The following SNRPN variants were observed in gnomAD, a reference collection of about 807,000 sequenced individuals.
SNRPN encodes small nuclear ribonucleoprotein-associated protein N.
SNRPN carries 7 observed loss-of-function variants against 25.2 expected under a neutral mutation model. The ratio of observed to expected loss-of-function variants is 0.28; its 90% confidence interval spans 0.16 to 0.52. SNRPN has a LOEUF of 0.52. SNRPN is among the 20% of genes least tolerant of loss of function. The pLI, the probability that SNRPN is intolerant of heterozygous loss-of-function variation, is 0.96. For synonymous variants in SNRPN, 124 were observed against 110.6 expected (o/e 1.12, Z -0.76); for missense variants, 196 against 322.5 (o/e 0.61, Z 3.00).
At position 24,944,705 on chromosome 15, in the gene SNRPN, T is replaced by A. The variant is rs557044482; in HGVS notation, c.-390-17409T>A. ...GCTACTCTTGCTACCGAAATCTGTGTGTGTTAGGGTTCTCCAGAAAAACAA... is the reference window on the plus strand; with the variant it reads ...GCTACTCTTGCTACCGAAATCTGTGAGTGTTAGGGTTCTCCAGAAAAACAA... On this transcript the variant is annotated intron_variant, in intron 3 of 11. Transcript: ENST00000400097. Among the ~76,000 whole-genome samples the A allele has an allele frequency of 1.3e-3, 197 of 152,286 alleles. 5 individuals are homozygous for A. The South Asian group carries it at 0.038, about 29-fold the overall frequency.
rs35835568 is a variant in SNRPN at position 24,915,968 on chromosome 15, C to CTTTTTTT, written c.-504-4028_-504-4022dup. ...TGTGGTTTTTTTTTGGCCAGGTTGA[C>CTTTTTTT]TTTTTTTTTTTTTTTTTTTTTGAGA... On this transcript the variant is annotated intron_variant, in intron 2 of 11. Coordinates refer to the SNRPN transcript ENST00000400097. Among the ~76,000 whole-genome samples, 10 of 97,382 alleles carry CTTTTTTT rather than the reference C, an allele frequency of 1.0e-4. 1 individual carries two copies. The highest frequency in any genetic ancestry group is 1.2e-4 in the Non-Finnish European group (6 of 51,762). The allele number at this position is 97,382 out of a possible 152,430, so 63.9% of individuals were successfully genotyped here. A position where few individuals can be genotyped will look rare whatever the true frequency, so the allele number is the denominator to read the frequency against.
intron 2 of SNRPN, chr15:24,849,447 T>A (rs2052594630): frequency 6.6e-6 from 1 of 152,270 alleles, no homozygotes; most frequent in Non-Finnish European, 1.5e-5. Context: ...TGGTTTCCAG[T>A]GCCACAGTGG....
chr15:24,826,849 T>G (rs1193777496), intron 1 of SNRPN, among the ~76,000 whole-genome samples: 1 of 151,974 alleles, frequency 6.6e-6, no homozygotes, highest in Non-Finnish European at 1.5e-5. Context: ...AGAAGTGCAT[T>G]TTTAGGCAAT....
rs1054763992 is a variant in SNRPN at position 24,929,847 on chromosome 15, A to G, written c.-391+9723A>G. On this transcript the variant is annotated intron_variant, in intron 3 of 11. Transcript: ENST00000400097. The surrounding 1 kb of genome is among the most constrained non-coding windows in gnomAD (Gnocchi z 5.3). ...AATAAAATCAATTGAGACAGTAACA[A>G]ATTTGCTCAAAGAATCAACCTGAAC... Among the ~76,000 whole-genome samples the G allele has an allele frequency of 6.6e-6, 1 of 152,178 alleles. No homozygotes were observed. The highest frequency in any genetic ancestry group is 1.5e-5 in the Non-Finnish European group (1 of 68,036).
chr15:24,973,453 A>G (rs2076690447), intron 3 of SNRPN, among the ~76,000 whole-genome samples: 1 of 152,070 alleles, frequency 6.6e-6, no homozygotes. Flanking sequence ...GCTGGAGTGC[A>G]GTGGCGCGAT....
intron 1 of SNRPN, among the ~76,000 whole-genome samples, chr15:24,824,856 C>T (rs918544677): frequency 3.3e-5 from 5 of 152,002 alleles, no homozygotes; most frequent in African/African-American, 1.2e-4. Flanking sequence ...GTCCAAAAAG[C>T]AGGCTAGGAA....
At chr15:24,855,332 A>G (rs2053288230), upstream of SNRPN, among the ~76,000 whole-genome samples, 1 of 152,188 alleles carries the variant, frequency 6.6e-6, no homozygotes, top group African/African-American at 2.4e-5. Context: ...GGTCGGCACT[A>G]GTTTTACTCC....
intron 3 of SNRPN, among the ~76,000 whole-genome samples, chr15:24,949,356 G>T (rs2062090069): frequency 6.6e-6 from 1 of 152,020 alleles, no homozygotes; most frequent in Non-Finnish European, 1.5e-5. Flanking sequence ...CATATAAAAA[G>T]AACCATAAAA....
chr15:24,946,588 A>C (rs565016382), intron 3 of SNRPN, among the ~76,000 whole-genome samples: 1 of 152,132 alleles, frequency 6.6e-6, no homozygotes, highest in East Asian at 1.9e-4. Context: ...TCCTGTCCCA[A>C]CTTCCTGAGT....
rs147585100 is a variant in SNRPN, at chr15:24,835,239, A to C, written c.-579+5334A>C. ...TTTAGTTTTCTAAAAAAATACAAGT[A>C]ACATATATAGGCATGCTGTTTTTCT... is the stretch of plus-strand genomic sequence containing the variant. On this transcript the variant is annotated intron_variant, in intron 2 of 12. Transcript: ENST00000400100. 8.2e-3 allele frequency among the ~76,000 whole-genome samples: 1,239 copies of C among 150,246 alleles called. 5 individuals are homozygous for C. The highest frequency in any genetic ancestry group is 0.014 in the Non-Finnish European group (974 of 67,752).
intron 2 of SNRPN, among the ~76,000 whole-genome samples, chr15:24,894,501 G>A (rs1342545543): frequency 6.6e-6 from 1 of 152,188 alleles, no homozygotes; most frequent in African/African-American, 2.4e-5. Flanking sequence ...TTACAGGCGT[G>A]AGCCACCGTG....
At chr15:24,905,475 C>A (rs751809343) in intron 2 of SNRPN, among the ~76,000 whole-genome samples, 3 of 148,026 alleles carry the variant, frequency 2.0e-5, no homozygotes, top group Non-Finnish European at 3.0e-5. Context: ...AGCCACTGCA[C>A]TCGAGCCTGG....
In SNRPN at chr15:24,927,475, A is replaced by ATTTT. The variant is rs1566921436; in HGVS notation, c.-391+7351_-391+7352insTTTT. ...TTTCCCACTGCTTATAAAGTTTTTA[A>ATTTT]ATTTTTTTTTTTTTTTTTTTTTTTT... is the stretch of plus-strand genomic sequence containing the variant. On this transcript the variant is annotated intron_variant, in intron 3 of 11. Transcript: ENST00000400097. 3.6e-3 allele frequency among the ~76,000 whole-genome samples: 408 copies of ATTTT among 113,228 alleles called. 71 individuals carry two copies. The highest frequency in any genetic ancestry group is 9.9e-3 in the Middle Eastern group (2 of 202). 74.3% of individuals were successfully genotyped at this position (113,228 alleles called of 152,430 possible).
chr15:24,847,155 C>T (rs1452376169), intron 2 of SNRPN, among the ~76,000 whole-genome samples: 1 of 152,104 alleles, frequency 6.6e-6, no homozygotes, highest in Non-Finnish European at 1.5e-5. Flanking sequence ...GCCTTAATTT[C>T]ACCTTACCAG....
chr15:24,848,800 A>G (rs2052507492), intron 2 of SNRPN: 1 of 152,178 alleles, frequency 6.6e-6, no homozygotes, highest in Non-Finnish European at 1.5e-5. Context: ...CTTCAAGATC[A>G]AACTTTCCCC....
chr15:24,826,046 C>T (rs530090591), intron 1 of SNRPN, among the ~76,000 whole-genome samples: 11 of 152,014 alleles, frequency 7.2e-5, no homozygotes, highest in Non-Finnish European at 1.3e-4. Flanking sequence ...GCAAGATGGC[C>T]GTGTCATGTA....
At chr15:24,908,053 A>C (rs1202265105) in intron 2 of SNRPN, among the ~76,000 whole-genome samples, 2 of 6,190 alleles carry the variant, frequency 3.2e-4, no homozygotes, top group African/African-American at 3.6e-3. Context: ...ACTCCATCTC[A>C]AAAAAAAAAA....
At chr15:24,965,922 C>CT (rs1234173422) in intron 2 of SNRPN, among the ~76,000 whole-genome samples, 1 of 129,770 alleles carries the variant, frequency 7.7e-6, no homozygotes, top group Non-Finnish European at 1.6e-5. Context: ...TAATCAGAAA[C>CT]TTAGTTGTCA....
intron 2 of SNRPN, among the ~76,000 whole-genome samples, chr15:24,836,032 CA>C (rs1338536199): frequency 6.6e-6 from 1 of 152,070 alleles, no homozygotes; most frequent in Non-Finnish European, 1.5e-5. Flanking sequence ...GCTTACGCAA[CA>C]GAAGTTAACG....
Sources: allele counts gnomAD v4.1 joint callset (sites outside exome capture counted in the v4.1 genomes callset), GRCh38; gene constraint gnomAD v4.1.1; non-coding constraint Gnocchi (gnomAD v3.1); transcripts MANE v1.5; gene names NCBI Gene and HGNC (gene_info 2026-07-23, HGNC 2026-07-21).